The following PFKFB3 variants were observed in gnomAD, a reference collection of about 807,000 sequenced individuals.
PFKFB3 encodes the protein 6-phosphofructo-2-kinase/fructose-2,6-bisphosphatase 3.
Under a neutral mutation model 68.0 loss-of-function variants are expected in PFKFB3, and 33 were observed. The ratio of observed to expected loss-of-function variants is 0.49; its 90% CI spans 0.37 to 0.65. PFKFB3 has a LOEUF of 0.65. Ranked by LOEUF, PFKFB3 falls within the 30% of genes least tolerant of loss-of-function variation. The pLI, the probability that PFKFB3 is intolerant of heterozygous loss-of-function variation, is 0.00. For synonymous variants in PFKFB3, 315 were observed against 288.2 expected (o/e 1.09, Z -0.94); for missense variants, 586 against 712.2 (o/e 0.82, Z 2.02).
At chr10:6,163,515 G>C (rs868469919) in intron 1 of PFKFB3, among the ~76,000 whole-genome samples, 1 of 152,240 alleles carries the variant, frequency 6.6e-6, no homozygotes. Flanking sequence ...TGGGGACCCA[G>C]CTGGGAGGTA....
chr10:6,176,737 GGA>G (rs1842485937), intron 1 of PFKFB3, among the ~76,000 whole-genome samples: 2 of 152,192 alleles, frequency 1.3e-5, no homozygotes, highest in Non-Finnish European at 2.9e-5. Flanking sequence ...TTGGGTGCCA[GGA>G]GACATGGGCC....
At chr10:6,285,524 C>T in the PFKFB3 span, among the ~76,000 whole-genome samples, 17 of 152,304 alleles carry the variant, frequency 1.1e-4, no homozygotes, top group African/African-American at 3.4e-4. Flanking sequence ...TGAGCCACTG[C>T]GCCCAGCTCA....
At chr10:6,159,767 CT>C (rs1204433831) in intron 1 of PFKFB3, among the ~76,000 whole-genome samples, 3 of 150,712 alleles carry the variant, frequency 2.0e-5, no homozygotes, top group Non-Finnish European at 4.4e-5. Flanking sequence ...TGGTAAGGTA[CT>C]TTTTATTTAT....
intron 13 of PFKFB3, chr10:6,224,506 G>T: frequency 3.7e-6 from 2 of 538,054 alleles, no homozygotes; most frequent in Non-Finnish European, 7.0e-6. Flanking sequence ...TTTGAGACAG[G>T]GTCTCAGTCT....
chr10:6,306,228 C>G, the PFKFB3 span, among the ~76,000 whole-genome samples: 1 of 152,158 alleles, frequency 6.6e-6, no homozygotes, highest in African/African-American at 2.4e-5. Context: ...GAGGATTTGC[C>G]CTTTGGGCAA....
intron 1 of PFKFB3, among the ~76,000 whole-genome samples, chr10:6,159,106 C>T (rs1841894034): frequency 6.6e-6 from 1 of 152,068 alleles, no homozygotes; most frequent in Admixed American, 6.6e-5. Flanking sequence ...TAAAAAATCC[C>T]AAAACAGGCC....
At chr10:6,158,460 C>T (rs1841873313) in intron 1 of PFKFB3, among the ~76,000 whole-genome samples, 1 of 152,170 alleles carries the variant, frequency 6.6e-6, no homozygotes, top group African/African-American at 2.4e-5. Context: ...TGATGGCTTT[C>T]AGTGTTGACA....
At chr10:6,242,463 G>A (rs1588563038) in intron 14 of PFKFB3, among the ~76,000 whole-genome samples, 1 of 152,198 alleles carries the variant, frequency 6.6e-6, no homozygotes. Context: ...CCTGATGGCA[G>A]CCCAGCCACA....
intron 1 of PFKFB3, among the ~76,000 whole-genome samples, chr10:6,167,799 T>A (rs1401312797): frequency 6.6e-6 from 1 of 152,222 alleles, no homozygotes; most frequent in Non-Finnish European, 1.5e-5. Context: ...ATCCTAAACC[T>A]TGGTCTCATT....
intron 1 of PFKFB3, among the ~76,000 whole-genome samples, chr10:6,177,447 T>TCTTC (rs1842545531): frequency 1.2e-5 from 1 of 85,850 alleles, no homozygotes; most frequent in African/African-American, 3.6e-5. Context: ...TCTCTTTCTT[T>TCTTC]CTTTCTTTCT....
the PFKFB3 span, among the ~76,000 whole-genome samples, chr10:6,265,909 TTTA>T: frequency 6.6e-6 from 1 of 151,998 alleles, no homozygotes; most frequent in East Asian, 1.9e-4. Flanking sequence ...TGTTTTTCTA[TTTA>T]TTATTATCAT....
intron 14 of PFKFB3, among the ~76,000 whole-genome samples, chr10:6,247,433 G>A (rs1846283730): frequency 6.6e-6 from 1 of 152,206 alleles, no homozygotes; most frequent in Non-Finnish European, 1.5e-5. Flanking sequence ...AAAACAACTG[G>A]GAGGAAATAG....
intron 1 of PFKFB3, chr10:6,146,319 G>A (rs1225828776): frequency 3.3e-6 from 5 of 1,525,516 alleles, no homozygotes; most frequent in Admixed American, 2.0e-5. Flanking sequence ...AGGTATCAGC[G>A]TGGGCTCCTG....
downstream of PFKFB3, among the ~76,000 whole-genome samples, chr10:6,257,583 T>A (rs923208136): frequency 1.1e-4 from 17 of 152,274 alleles, 2 homozygotes; most frequent in Admixed American, 6.5e-4. Flanking sequence ...CAGAATGGTC[T>A]GTGATGGGAA....
At chr10:6,302,831 G>A in the PFKFB3 span, among the ~76,000 whole-genome samples, 1 of 151,536 alleles carries the variant, frequency 6.6e-6, no homozygotes, top group Non-Finnish European at 1.5e-5. Flanking sequence ...TGTTTTATGT[G>A]ATCTTTCTTG....
chr10:6,254,975 C>T (rs1236589233), downstream of PFKFB3, among the ~76,000 whole-genome samples: 1 of 149,320 alleles, frequency 6.7e-6, no homozygotes, highest in Non-Finnish European at 1.5e-5. Context: ...GTGCCACCAT[C>T]CTGGCCAATT....
upstream of PFKFB3, among the ~76,000 whole-genome samples, chr10:6,199,325 C>T (rs1424384020): frequency 6.6e-6 from 1 of 152,116 alleles, no homozygotes; most frequent in Non-Finnish European, 1.5e-5. Context: ...TTTGTTGTTA[C>T]AGCAGCATTT....
chr10:6,255,664 G>T (rs1055313809), downstream of PFKFB3, among the ~76,000 whole-genome samples: 3 of 152,200 alleles, frequency 2.0e-5, no homozygotes, highest in Non-Finnish European at 2.9e-5. Flanking sequence ...ATGGGACAGA[G>T]TTTGCCAGGG....
intron 1 of PFKFB3, among the ~76,000 whole-genome samples, chr10:6,169,543 G>A (rs936758168): frequency 1.3e-5 from 2 of 152,162 alleles, no homozygotes; most frequent in African/African-American, 4.8e-5. Context: ...CTGTTCCCCA[G>A]GCCCTGAGGG....
Sources: gnomAD v4.1 joint callset for allele counts (sites outside exome capture counted in the v4.1 genomes callset) on GRCh38, gnomAD v4.1.1 for gene constraint, MANE v1.5 for transcripts, NCBI Gene and HGNC (gene_info 2026-07-23, HGNC 2026-07-21) for gene names.